FER1L6: variants seen among roughly 807,000 people sequenced by gnomAD.
The protein encoded by FER1L6 is fer-1 like family member 6.
Under a neutral mutation model 219.2 loss-of-function variants are expected in FER1L6, and 177 were observed. The ratio of observed to expected loss-of-function variants is 0.81; its 90% CI spans 0.71 to 0.91. The LOEUF (loss-of-function observed/expected upper bound fraction) is 0.91, where lower values mean the gene tolerates loss of function less well. Among genes scored for constraint, FER1L6 ranks in the 40% least tolerant of loss-of-function variants. The pLI, the probability that FER1L6 is intolerant of heterozygous loss-of-function variation, is 0.00. For synonymous variants in FER1L6, 768 were observed against 824.3 expected (o/e 0.93, Z 1.17); for missense variants, 2,153 against 2,259.9 (o/e 0.95, Z 0.96).
chr8:123,884,185 G>C (rs916694068), intron 1 of FER1L6, among the ~76,000 whole-genome samples: 4 of 152,234 alleles, frequency 2.6e-5, no homozygotes, highest in Non-Finnish European at 5.9e-5. Flanking sequence ...AACACCATGT[G>C]TGTGCTGCCC....
chr8:124,040,136 C>A, intron 20 of FER1L6, 130 bp downstream of exon 20: 1 of 1,238,402 alleles, frequency 8.1e-7, no homozygotes, highest in South Asian at 1.4e-5. Flanking sequence ...ATGTTTCAGA[C>A]TGAAAAGCGA....
chr8:124,047,529 A>T (rs1819791948), intron 21 of FER1L6: 2 of 152,168 alleles, frequency 1.3e-5, no homozygotes, highest in Non-Finnish European at 2.9e-5. Flanking sequence ...GTATGTTTGT[A>T]TGTAGGTCAT....
chr8:124,074,650 TAAA>T (rs58971221), intron 31 of FER1L6, among the ~76,000 whole-genome samples: 3 of 114,366 alleles, frequency 2.6e-5, no homozygotes, highest in Admixed American at 9.4e-5. Flanking sequence ...AGATACTGTC[TAAA>T]AAAAAAAAAA....
chr8:123,947,142 C>T (rs1304893951), intron 1 of FER1L6, among the ~76,000 whole-genome samples: 3 of 151,778 alleles, frequency 2.0e-5, no homozygotes, highest in Non-Finnish European at 2.9e-5. Flanking sequence ...AAAAATTAGC[C>T]GGGTGTGGTG....
chr8:123,872,420 G>A (rs569585958), intron 1 of FER1L6, among the ~76,000 whole-genome samples: 24 of 152,262 alleles, frequency 1.6e-4, no homozygotes, highest in African/African-American at 4.8e-4. Context: ...CATCAAAAAC[G>A]AAGTCTGAGA....
intron 26 of FER1L6, among the ~76,000 whole-genome samples, chr8:124,064,909 C>G (rs1010549863): frequency 9.9e-5 from 15 of 152,148 alleles, no homozygotes; most frequent in African/African-American, 3.4e-4. Flanking sequence ...TGTACAAGAT[C>G]ATATGGGACC....
rs551701734 is a variant in FER1L6, at chr8:123,884,813, C to T, written c.-8+32628C>T. Among the ~76,000 whole-genome samples, 152 of 152,164 alleles carry T rather than the reference C, an allele frequency of 1.0e-3. 4 individuals are homozygous for T. Among genetic ancestry groups the T allele is most frequent in the Non-Finnish European group, 2.0e-3 (138 of 68,036 alleles). On this transcript the variant is annotated intron_variant, in intron 1 of 40. Transcript: ENST00000522917. The stretch of plus-strand genomic sequence containing the variant: ...CCTCCTCATTTCCTCTCTGCTGCTC[C>T]ATCTGCATATGCTTTCACCTGAGCC...
rs149205669 is a variant in FER1L6 at position 123,962,014 on chromosome 8, C to T, written c.77-1264C>T. On this transcript the variant is annotated intron_variant, in intron 2 of 40. Coordinates refer to ENST00000522917, the MANE Select transcript of FER1L6 (RefSeq NM_001039112.2). ...AAGCGATTCTTCTGCCTCAGCCTCC[C>T]GAGCAGCTGGGACTACAGGTGCCCA... 3.4e-4 allele frequency among the ~76,000 whole-genome samples: 52 copies of T among 151,928 alleles called. No individual in the cohort carries two copies. In the East Asian group the frequency reaches 6.2e-3, roughly 18 times the overall value.
At chr8:123,963,971 C>T (rs956860414) in intron 3 of FER1L6, among the ~76,000 whole-genome samples, 2 of 152,202 alleles carry the variant, frequency 1.3e-5, no homozygotes, top group African/African-American at 4.8e-5. Context: ...AGTCATTTGG[C>T]AGCTCTGCTG....
At chr8:124,044,863 G>A (rs1224269598) in intron 20 of FER1L6, among the ~76,000 whole-genome samples, 1 of 152,160 alleles carries the variant, frequency 6.6e-6, no homozygotes, top group East Asian at 1.9e-4. Flanking sequence ...CCCTTCTGAG[G>A]GCACCACTTA....
intron 22 of FER1L6, among the ~76,000 whole-genome samples, chr8:124,052,543 T>C (rs941625715): frequency 1.3e-5 from 2 of 152,084 alleles, no homozygotes; most frequent in Non-Finnish European, 2.9e-5. Context: ...CCCAGCACTT[T>C]GGGAGGCCGA....
Position 124,023,538 on chromosome 8 carries a change from C to T in FER1L6, c.2228C>T (p.Ser743Phe), listed in dbSNP as rs750628607. The T allele has an allele frequency of 4.3e-6, 7 of 1,614,160 alleles. No individual in the cohort carries two copies. Among genetic ancestry groups the T allele is most frequent in the Non-Finnish European group, 5.9e-6 (7 of 1,180,000 alleles). The part of the protein sequence containing the change: ...ARIASKDLLY[S>F]PVAGQMGKHC... ...ATCGCCTCCAAAGACCTCCTCTATTCCCCTGTCGCGGGGCAGATGGGCAAA... is the reference window on the plus strand; with the variant it reads ...ATCGCCTCCAAAGACCTCCTCTATTTCCCTGTCGCGGGGCAGATGGGCAAA... The change falls in exon 18 of 41, where the codon TCC (serine) becomes TTC (phenylalanine). Residue 743 changes from serine (S) to phenylalanine (F), a missense_variant. Physicochemically the swap from Ser to Phe is radical, Grantham distance 155 (BLOSUM62 -2). Transcript: ENST00000522917.
intron 1 of FER1L6, among the ~76,000 whole-genome samples, chr8:123,911,724 T>C (rs1813049875): frequency 6.6e-6 from 1 of 152,152 alleles, no homozygotes; most frequent in African/African-American, 2.4e-5. Flanking sequence ...GTGAAACTGA[T>C]TGTCCGAGAG....
intron 4 of FER1L6, 41 bp from the exon 5 acceptor site, chr8:123,966,118 G>A: frequency 1.2e-6 from 2 of 1,613,820 alleles, no homozygotes; most frequent in Admixed American, 1.7e-5. Context: ...GTGCATGGAT[G>A]GCGGTGTCCG....
At position 123,973,418 on chromosome 8, in the gene FER1L6, C is replaced by A. The variant is rs768694731; in HGVS notation, c.448-16C>A. 1 of 1,601,296 alleles carries A rather than the reference C, an allele frequency of 6.2e-7. No individual in the cohort carries two copies. Among genetic ancestry groups the A allele is most frequent in the Admixed American group, 1.7e-5 (1 of 59,994 alleles). On this transcript the variant is annotated splice_polypyrimidine_tract_variant and intron_variant, in intron 6 of 40. Coordinates refer to ENST00000522917, the MANE Select transcript of FER1L6 (RefSeq NM_001039112.2). ...CAAGGTAAATCTGCCATACTCCCTGCTCTCTCTCTCCTCAGGTCTTTCACC... is the reference window on the plus strand; with the variant it reads ...CAAGGTAAATCTGCCATACTCCCTGATCTCTCTCTCCTCAGGTCTTTCACC...
chr8:124,091,499 G>C lies in FER1L6; in HGVS notation c.4468G>C (p.Asp1490His). 6.2e-7 allele frequency: 1 copy of C among 1,613,936 alleles called. No homozygotes were observed. The highest frequency in any genetic ancestry group is 2.2e-5 in the East Asian group (1 of 44,868). ...TAAGCTCTGCAAAGACAACAAGCTG[G>C]ATGGACCCTACTTTCACCCTGGGAA... is the stretch of plus-strand genomic sequence containing the variant. ...LTKLCKDNKL[D>H]GPYFHPGKIQ... The change falls in exon 34 of 41, where the codon GAT becomes CAT. Residue 1490 changes from aspartate (D) to histidine (H), a missense_variant. Physicochemically the swap from Asp to His is moderately conservative, Grantham distance 81. Coordinates refer to ENST00000522917, the MANE Select transcript of FER1L6 (RefSeq NM_001039112.2).
At position 123,986,120 on chromosome 8, in the gene FER1L6, C is replaced by A. The variant is rs148194966; in HGVS notation, c.1463C>A (p.Ala488Asp). 6.2e-7 allele frequency: 1 copy of A among 1,613,690 alleles called. No homozygotes were observed. Among genetic ancestry groups the A allele is most frequent in the East Asian group, 2.2e-5 (1 of 44,870 alleles). Residue 488 changes from alanine to aspartate, a missense_variant, in exon 12 of 41, where the codon GCT becomes GAT. By Grantham distance (126) the Ala-to-Asp change is moderately radical. Transcript: ENST00000522917. ...EFLLFGAFFE[A>D]TMIDRKIGDK... ...TTACTCTTTGGAGCATTTTTTGAAG[C>A]TACCATGATTGACCGGAAGATTGGA... is the stretch of plus-strand genomic sequence containing the variant.
chr8:124,050,007 C>T (rs1013503593), intron 22 of FER1L6, among the ~76,000 whole-genome samples: 3 of 152,202 alleles, frequency 2.0e-5, no homozygotes, highest in African/African-American at 7.2e-5. Context: ...AATGCTTGAG[C>T]AGCCTTGTGT....
rs541069278 is a variant in FER1L6, at chr8:124,029,718, T to C, written c.2287-5559T>C. On this transcript the variant is annotated intron_variant, in intron 18 of 40. Coordinates refer to ENST00000522917, the MANE Select transcript of FER1L6 (RefSeq NM_001039112.2). ...ATTTTATCCCATTCTGTAGATTGCC[T>C]GTTTGCTCTGATGAGAGTTTCTTTT... Among the ~76,000 whole-genome samples, 6 of 152,370 alleles carry C rather than the reference T, an allele frequency of 3.9e-5. No homozygotes were observed. The East Asian group carries it at 1.2e-3, about 29-fold the overall frequency.
Sources: allele counts gnomAD v4.1 joint callset (sites outside exome capture counted in the v4.1 genomes callset), GRCh38; gene constraint gnomAD v4.1.1; transcripts MANE v1.5; gene names NCBI Gene and HGNC (gene_info 2026-07-23, HGNC 2026-07-21).